CYBRD1: variants seen among roughly 807,000 people sequenced by gnomAD.
The protein encoded by CYBRD1 is plasma membrane ascorbate-dependent reductase CYBRD1.
In CYBRD1, 14 loss-of-function variants were observed where a neutral mutation model predicts 21.9. The observed-to-expected ratio is 0.64, with a 90% confidence interval of 0.42 to 1.00. The LOEUF (loss-of-function observed/expected upper bound fraction) is 1.00, where lower values mean the gene tolerates loss of function less well. Ranked by LOEUF, CYBRD1 falls within the 50% of genes least tolerant of loss-of-function variation. The pLI, the probability that CYBRD1 is intolerant of heterozygous loss-of-function variation, is 0.00. For synonymous variants in CYBRD1, 146 were observed against 136.5 expected, an observed-to-expected ratio of 1.07 and a Z score of -0.48; for missense variants, 328 against 352.5, an observed-to-expected ratio of 0.93 and a Z score of 0.56.
At chr2:171,546,105 C>G (rs1301563246) in intron 2 of CYBRD1, among the ~76,000 whole-genome samples, 2 of 152,148 alleles carry the variant, frequency 1.3e-5, no homozygotes, top group African/African-American at 4.8e-5. Context: ...CATGGCTTTG[C>G]TTAGTGGGAG....
Position 171,538,450 on chromosome 2 carries a change from G to A in CYBRD1, c.194-3135G>A, listed in dbSNP as rs536947303. On this transcript the variant is annotated intron_variant, in intron 1 of 3. Transcript: ENST00000321348. ...TTAAAAGTGTACTTTTTAAGGTATT[G>A]CATTAAATCATTTGAAAAGATTCCT... 2.6e-5 allele frequency among the ~76,000 whole-genome samples: 4 copies of A among 152,220 alleles called. 1 individual carries two copies. In the South Asian group the frequency reaches 8.3e-4, roughly 32 times the overall value.
intron 1 of CYBRD1, among the ~76,000 whole-genome samples, chr2:171,523,901 A>G (rs1013245291): frequency 1.3e-5 from 2 of 152,182 alleles, no homozygotes; most frequent in Admixed American, 1.3e-4. Context: ...AAAATAATCG[A>G]GAGGAGTAGC....
At chr2:171,553,608 AT>A in intron 3 of CYBRD1, 108 bp downstream of exon 3, 1 of 978,206 alleles carries the variant, frequency 1.0e-6, no homozygotes, top group Non-Finnish European at 1.4e-6. Context: ...AGATATTAAA[AT>A]TAAAAAATAT....
intron 1 of CYBRD1, among the ~76,000 whole-genome samples, chr2:171,528,755 A>G (rs536149454): frequency 3.7e-3 from 556 of 152,304 alleles, no homozygotes; most frequent in Non-Finnish European, 5.8e-3. Context: ...GGCATGTCCA[A>G]ATCTCAGCTC....
At chr2:171,545,138 C>CAAAAA (rs761208882) in intron 2 of CYBRD1, among the ~76,000 whole-genome samples, 1 of 68,816 alleles carries the variant, frequency 1.5e-5, no homozygotes, top group Non-Finnish European at 2.8e-5. Context: ...GACCCTGTCT[C>CAAAAA]AAAAAAAAAA....
At position 171,534,526 on chromosome 2, in the gene CYBRD1, C is replaced by T. The variant is rs139605127; in HGVS notation, c.194-7059C>T. On this transcript the variant is annotated intron_variant, in intron 1 of 3. Coordinates refer to ENST00000321348, the MANE Select transcript of CYBRD1 (RefSeq NM_024843.4). The stretch of plus-strand genomic sequence containing the variant: ...TCAGTTACTTATACATTTTAAAAAG[C>T]ATGTAAACAGCTTATGCAAATGCAA... 1.1e-3 allele frequency among the ~76,000 whole-genome samples: 164 copies of T among 152,318 alleles called. 4 individuals carry two copies. In the East Asian group the frequency reaches 0.026, roughly 24 times the overall value.
In CYBRD1 at chr2:171,554,727, G is replaced by T; in HGVS notation, c.761G>T (p.Gly254Val). 5 of 1,613,992 alleles carry T rather than the reference G, an allele frequency of 3.1e-6. No homozygotes were observed. The highest frequency in any genetic ancestry group is 3.4e-6 in the Non-Finnish European group (4 of 1,179,942). Reference protein sequence around the residue: ...GARGSMPAYSGNNMDKSDSEL... With the variant: ...GARGSMPAYSVNNMDKSDSEL... The stretch of plus-strand genomic sequence containing the variant: ...AGAGGTTCCATGCCAGCCTACTCTG[G>T]CAACAACATGGACAAATCAGATTCA... The change falls in exon 4 of 4, where the codon GGC becomes GTC. Residue 254 changes from glycine to valine, a missense_variant. Transcript: ENST00000321348.
intron 1 of CYBRD1, chr2:171,523,184 G>T: frequency 2.8e-6 from 1 of 356,312 alleles, no homozygotes; most frequent in Non-Finnish European, 5.8e-6. Flanking sequence ...GCGATCGGGG[G>T]CGCGGAAACA....
intron 1 of CYBRD1, among the ~76,000 whole-genome samples, chr2:171,533,122 T>G (rs1697494221): frequency 6.6e-6 from 1 of 152,056 alleles, no homozygotes; most frequent in Admixed American, 6.5e-5. Flanking sequence ...ATCCCAGCAC[T>G]TTGGGAGGCC....
rs1683464843 is a variant in CYBRD1 at position 171,555,290 on chromosome 2, A to T, written c.*463A>T. ...TATCTGGGACAGGGTTTAGATCATGACTCTACACAGATACCATGATGAGAG... is the reference window on the plus strand; with the variant it reads ...TATCTGGGACAGGGTTTAGATCATGTCTCTACACAGATACCATGATGAGAG... On this transcript the variant is annotated 3_prime_UTR_variant, in exon 4 of 4. Transcript: ENST00000321348. The T allele has an allele frequency of 5.2e-6, 1 of 190,680 alleles. No homozygotes were observed. The highest frequency in any genetic ancestry group is 1.1e-5 in the Non-Finnish European group (1 of 91,728). 11.8% of individuals were successfully genotyped at this position (190,680 alleles called of 1,614,324 possible).
At chr2:171,554,199 T>C (rs984939108) in intron 3 of CYBRD1, among the ~76,000 whole-genome samples, 20 of 152,152 alleles carry the variant, frequency 1.3e-4, no homozygotes, top group Non-Finnish European at 2.4e-4. Flanking sequence ...TTTTGCTACT[T>C]AGATGTGGAA....
At chr2:171,552,755 G>C (rs17222641) in intron 2 of CYBRD1, among the ~76,000 whole-genome samples, 23,134 of 152,222 alleles carry the variant, frequency 0.15, 2,230 homozygotes, top group Non-Finnish European at 0.23. Context: ...AGGAAATGAA[G>C]ACACCTTTTC....
chr2:171,540,314 ATCC>A (rs1697610488), intron 1 of CYBRD1, among the ~76,000 whole-genome samples: 1 of 152,140 alleles, frequency 6.6e-6, no homozygotes, highest in Non-Finnish European at 1.5e-5. Flanking sequence ...TTATAGGTTG[ATCC>A]ATATTACTGG....
Position 171,533,770 on chromosome 2 carries a change from C to CT in CYBRD1, c.194-7798dup, listed in dbSNP as rs10707105. Among the ~76,000 whole-genome samples, 252 of 130,692 alleles carry CT rather than the reference C, an allele frequency of 1.9e-3. 2 individuals are homozygous for CT. Among genetic ancestry groups the CT allele is most frequent in the Middle Eastern group, 3.8e-3 (1 of 264 alleles). The allele number at this position is 130,692 out of a possible 152,430, so 85.7% of individuals were successfully genotyped here. ...TTTCTTTTCTTTTCTTTCTTTCTTT[C>CT]TTTTTTTTTTTTTTTTTGAGACAGA... On this transcript the variant is annotated intron_variant, in intron 1 of 3. Transcript: ENST00000321348.
upstream of CYBRD1, chr2:171,522,463 C>T (rs1333510925): frequency 1.9e-6 from 3 of 1,539,376 alleles, no homozygotes; most frequent in Non-Finnish European, 2.6e-6. This position sits in a 1 kb window ranked among gnomAD's most constrained non-coding sequence, Gnocchi z 4.3. Context: ...ACGCCCCGGT[C>T]CCGCCGCCCG....
chr2:171,550,077 G>A (rs1194167417), intron 2 of CYBRD1, among the ~76,000 whole-genome samples: 1 of 152,050 alleles, frequency 6.6e-6, no homozygotes, highest in African/African-American at 2.4e-5. Flanking sequence ...GTCAGAATGT[G>A]GCCCAGGCAT....
At chr2:171,541,550 C>G in intron 1 of CYBRD1, 35 bp from the exon 2 acceptor site, 1 of 1,598,634 alleles carries the variant, frequency 6.3e-7, no homozygotes, top group Non-Finnish European at 8.6e-7. Context: ...AAAAACAAAA[C>G]AAAACACATT....
chr2:171,524,067 G>C (rs975408899), intron 1 of CYBRD1, among the ~76,000 whole-genome samples: 1 of 152,166 alleles, frequency 6.6e-6, no homozygotes, highest in Non-Finnish European at 1.5e-5. Flanking sequence ...TTTTGTTTTT[G>C]TTGGTTGTTT....
intron 1 of CYBRD1, among the ~76,000 whole-genome samples, chr2:171,532,875 A>ATGTGTGTGTGTGTGTGTGTG (rs10618404): frequency 2.0e-5 from 3 of 147,300 alleles, no homozygotes; most frequent in African/African-American, 5.0e-5. Flanking sequence ...CCATTTCACG[A>ATGTGTGTGTGTGTGTGTGTG]TGTGTGTGTG....
Sources: allele counts gnomAD v4.1 joint callset (sites outside exome capture counted in the v4.1 genomes callset), GRCh38; gene constraint gnomAD v4.1.1; non-coding constraint Gnocchi (gnomAD v3.1); transcripts MANE v1.5; gene names NCBI Gene and HGNC (gene_info 2026-07-23, HGNC 2026-07-21).